AIG1: variants seen among roughly 807,000 people sequenced by gnomAD.
AIG1 encodes the protein androgen induced 1, also known as androgen-induced gene 1 protein.
AIG1 carries 23 observed loss-of-function variants against 31.4 expected under a neutral mutation model. The ratio of observed to expected loss-of-function variants is 0.73; its 90% CI spans 0.53 to 1.04. The LOEUF is 1.04. AIG1 is among the 50% of genes least tolerant of loss of function. The pLI is 0.00. For missense variants in AIG1, 274 were observed against 295.0 expected, an observed-to-expected ratio of 0.93 and a Z score of 0.52; for synonymous variants, 100 against 110.5, an observed-to-expected ratio of 0.90 and a Z score of 0.60.
At chr6:143,186,636 T>C (rs1016246182) in intron 3 of AIG1, 1 of 152,262 alleles carries the variant, frequency 6.6e-6, no homozygotes, top group Non-Finnish European at 1.5e-5. Context: ...CGTACTAATA[T>C]GTCTTTTTTG....
chr6:143,144,440 T>C (rs1301329278), intron 2 of AIG1, among the ~76,000 whole-genome samples: 1 of 152,178 alleles, frequency 6.6e-6, no homozygotes, highest in African/African-American at 2.4e-5. Flanking sequence ...ATGAGTATAA[T>C]AATACATGTG....
At chr6:143,094,843 AATT>A (rs1779611170) in intron 1 of AIG1, among the ~76,000 whole-genome samples, 1 of 152,346 alleles carries the variant, frequency 6.6e-6, no homozygotes, top group South Asian at 2.1e-4. Flanking sequence ...CACCAGTGAA[AATT>A]ATTTACAATA....
chr6:143,130,662 T>C (rs1388395711), intron 1 of AIG1, among the ~76,000 whole-genome samples: 1 of 152,096 alleles, frequency 6.6e-6, no homozygotes, highest in Non-Finnish European at 1.5e-5. Flanking sequence ...GAAGTTGCAG[T>C]GAACTGAGAT....
chr6:143,192,526 A>T (rs542847179), intron 3 of AIG1, among the ~76,000 whole-genome samples: 1 of 151,354 alleles, frequency 6.6e-6, no homozygotes, highest in South Asian at 2.1e-4. Flanking sequence ...AATCGCTTAA[A>T]CCCAGGAGGT....
chr6:143,311,634 C>T (rs980037012), intron 4 of AIG1, among the ~76,000 whole-genome samples: 5 of 151,660 alleles, frequency 3.3e-5, no homozygotes, highest in Non-Finnish European at 5.9e-5. Context: ...GGAAAAAAAC[C>T]TCTCAGAAGA....
chr6:143,253,638 G>A (rs904207084), intron 3 of AIG1, among the ~76,000 whole-genome samples: 4 of 152,180 alleles, frequency 2.6e-5, no homozygotes, highest in Non-Finnish European at 4.4e-5. Flanking sequence ...CATTTACTGT[G>A]TAGTTATTCT....
intron 3 of AIG1, among the ~76,000 whole-genome samples, chr6:143,207,129 A>G (rs1791170539): frequency 6.6e-6 from 1 of 152,042 alleles, no homozygotes; most frequent in African/African-American, 2.4e-5. Flanking sequence ...CCCTCCAGAT[A>G]TCTTCTTTTT....
In AIG1 at chr6:143,292,598, A is replaced by G. The variant is rs762557790; in HGVS notation, c.515+8373A>G. ...ATTTTAGCTCAGTGACACCTATGTT[A>G]TACTTCTAACCTGTAGAATTCTCCG... On this transcript the variant is annotated intron_variant, in intron 4 of 5. Coordinates refer to ENST00000357847, the MANE Select transcript of AIG1 (RefSeq NM_016108.4). This position sits in a 1 kb window ranked among gnomAD's most constrained non-coding sequence, Gnocchi z 4.9. Among the ~76,000 whole-genome samples the G allele has an allele frequency of 2.0e-4, 30 of 152,236 alleles. No individual in the cohort carries two copies. Among genetic ancestry groups the G allele is most frequent in the Non-Finnish European group, 3.7e-4 (25 of 68,050 alleles).
rs1032703854 is a variant in AIG1, at chr6:143,325,120, A to T, written c.516-8162A>T. On this transcript the variant is annotated intron_variant, in intron 4 of 5. Transcript: ENST00000357847. The surrounding 1 kb of genome is among the most constrained non-coding windows in gnomAD (Gnocchi z 4.3). ...CAAACCAGTTTTCTAATAATTCTCT[A>T]TGAAGACCCTGTGCTAATAGATGCT... 6.6e-6 allele frequency among the ~76,000 whole-genome samples: 1 copy of T among 152,186 alleles called. No individual in the cohort carries two copies. Among genetic ancestry groups the T allele is most frequent in the Non-Finnish European group, 1.5e-5 (1 of 68,024 alleles).
intron 1 of AIG1, among the ~76,000 whole-genome samples, chr6:143,112,787 C>A (rs1328620118): frequency 6.6e-6 from 1 of 152,120 alleles, no homozygotes; most frequent in East Asian, 1.9e-4. Context: ...CAGTTGATCT[C>A]CAGAGACTGT....
At chr6:143,109,696 G>A (rs1364576885) in intron 1 of AIG1, among the ~76,000 whole-genome samples, 2 of 152,004 alleles carry the variant, frequency 1.3e-5, no homozygotes, top group South Asian at 4.1e-4. Context: ...TGACGTGTGT[G>A]TTAAAGTCCT....
Position 143,202,434 on chromosome 6 carries a change from G to GT in AIG1, c.399+37256dup, listed in dbSNP as rs751767062. 2.6e-5 allele frequency among the ~76,000 whole-genome samples: 4 copies of GT among 152,258 alleles called. No individual in the cohort carries two copies. In the South Asian group the frequency reaches 8.3e-4, roughly 32 times the overall value. ...AAAAGATAGCCAGGAGCCAGGGTTGGTTTTTGATTTGGTTTGGTTTGAATT... is the reference window on the plus strand; with the variant it reads ...AAAAGATAGCCAGGAGCCAGGGTTGGTTTTTTGATTTGGTTTGGTTTGAATT... On this transcript the variant is annotated intron_variant, in intron 3 of 5. Coordinates refer to ENST00000357847, the MANE Select transcript of AIG1 (RefSeq NM_016108.4).
intron 3 of AIG1, among the ~76,000 whole-genome samples, chr6:143,185,469 C>T (rs1386897075): frequency 6.6e-6 from 1 of 152,138 alleles, no homozygotes. Flanking sequence ...GTTGCAGAGC[C>T]CTTGTCTCCC....
intron 3 of AIG1, among the ~76,000 whole-genome samples, chr6:143,223,824 A>C (rs1329730975): frequency 1.3e-5 from 2 of 152,304 alleles, no homozygotes; most frequent in East Asian, 3.9e-4. Flanking sequence ...CAGAATAACT[A>C]TTTTTTATAA....
chr6:143,250,533 A>T (rs1157416556), intron 3 of AIG1, among the ~76,000 whole-genome samples: 2 of 152,222 alleles, frequency 1.3e-5, no homozygotes, highest in African/African-American at 4.8e-5. Flanking sequence ...TAAGTTCAGG[A>T]TCTTGAGAGG....
chr6:143,341,955 T>C (rs1430483859), downstream of AIG1, among the ~76,000 whole-genome samples: 1 of 152,218 alleles, frequency 6.6e-6, no homozygotes, highest in African/African-American at 2.4e-5. Context: ...AACGGAGTTT[T>C]GCTCTTGTTT....
At chr6:143,165,031 T>G in intron 2 of AIG1, 51 bp from the exon 3 acceptor site, 1 of 1,337,980 alleles carries the variant, frequency 7.5e-7, no homozygotes, top group Middle Eastern at 1.8e-4. Flanking sequence ...ATAAATTGTA[T>G]GTTGTGGATA....
intron 3 of AIG1, among the ~76,000 whole-genome samples, chr6:143,271,826 A>C (rs1366122451): frequency 6.6e-6 from 1 of 151,970 alleles, no homozygotes; most frequent in East Asian, 1.9e-4. Flanking sequence ...TTGTCCCTTA[A>C]AGATGAATAT....
intron 4 of AIG1, among the ~76,000 whole-genome samples, chr6:143,303,147 T>G (rs1798954111): frequency 6.6e-6 from 1 of 152,126 alleles, no homozygotes; most frequent in Non-Finnish European, 1.5e-5. Context: ...ATGAGTAGGT[T>G]GTGAAAATTT....
Sources: allele counts gnomAD v4.1 joint callset (sites outside exome capture counted in the v4.1 genomes callset), GRCh38; gene constraint gnomAD v4.1.1; non-coding constraint Gnocchi (gnomAD v3.1); transcripts MANE v1.5; gene names NCBI Gene and HGNC (gene_info 2026-07-23, HGNC 2026-07-21).